SPON1: variants seen among roughly 807,000 people sequenced by gnomAD.
SPON1 encodes spondin 1.
In SPON1, 52 loss-of-function variants were observed where a neutral mutation model predicts 111.7. That is an observed-to-expected ratio of 0.47 (90% CI 0.37 to 0.59). The LOEUF (loss-of-function observed/expected upper bound fraction) is 0.59. SPON1 is among the 20% of genes least tolerant of loss of function. The pLI is 0.00. For missense variants in SPON1, 957 were observed against 1,068.5 expected, an observed-to-expected ratio of 0.90 and a Z score of 1.46; for synonymous variants, 410 against 395.8, an observed-to-expected ratio of 1.04 and a Z score of -0.43.
chr11:14,103,777 T>A (rs1554924629), intron 5 of SPON1, among the ~76,000 whole-genome samples: 2 of 152,196 alleles, frequency 1.3e-5, no homozygotes, highest in Admixed American at 6.5e-5. Context: ...GTTCAATCTA[T>A]TAAATTGTTG....
At chr11:14,156,766 G>T (rs948271424) in intron 6 of SPON1, among the ~76,000 whole-genome samples, 1 of 152,028 alleles carries the variant, frequency 6.6e-6, no homozygotes, top group Non-Finnish European at 1.5e-5. Context: ...TTTCCCCATT[G>T]CTTGTTTTTG....
intron 9 of SPON1, 90 bp downstream of exon 9, chr11:14,255,877 C>T: frequency 2.2e-6 from 3 of 1,382,992 alleles, no homozygotes; most frequent in Middle Eastern, 2.4e-4. Flanking sequence ...ATCATAGAGT[C>T]ACTGGCAGAA....
chr11:14,157,330 T>C (rs1358198917), intron 6 of SPON1, among the ~76,000 whole-genome samples: 1 of 152,214 alleles, frequency 6.6e-6, no homozygotes, highest in African/African-American at 2.4e-5. Context: ...TTGCCACTTA[T>C]TTTCATTCAG....
At chr11:14,084,576 C>T (rs1233053168) in intron 5 of SPON1, among the ~76,000 whole-genome samples, 1 of 152,174 alleles carries the variant, frequency 6.6e-6, no homozygotes, top group Non-Finnish European at 1.5e-5. Context: ...GGTTCCAAGT[C>T]TTTGCTGTTG....
chr11:14,146,277 G>A (rs1195676703), intron 6 of SPON1, among the ~76,000 whole-genome samples: 1 of 151,324 alleles, frequency 6.6e-6, no homozygotes, highest in Non-Finnish European at 1.5e-5. Context: ...AGCTTCCCGA[G>A]TAGCTGGGAT....
At chr11:14,115,492 G>A (rs1849260045) in intron 5 of SPON1, among the ~76,000 whole-genome samples, 1 of 152,066 alleles carries the variant, frequency 6.6e-6, no homozygotes, top group Non-Finnish European at 1.5e-5. Flanking sequence ...TTTTATAAAA[G>A]GAATTTTACA....
intron 2 of SPON1, among the ~76,000 whole-genome samples, chr11:14,005,382 A>G (rs1554912987): frequency 6.6e-6 from 1 of 152,144 alleles, no homozygotes; most frequent in Non-Finnish European, 1.5e-5. Context: ...TCTCTAAATG[A>G]TGCACTCTCC....
At chr11:14,039,165 G>T (rs1289434669) in intron 2 of SPON1, among the ~76,000 whole-genome samples, 19 of 152,190 alleles carry the variant, frequency 1.2e-4, no homozygotes, top group African/African-American at 4.6e-4. Context: ...AGATAGAAAA[G>T]ATTAGTGGTT....
At chr11:14,202,788 A>G (rs955522339) in intron 6 of SPON1, among the ~76,000 whole-genome samples, 2 of 152,116 alleles carry the variant, frequency 1.3e-5, no homozygotes, top group African/African-American at 4.8e-5. Context: ...CTCAGAGGGT[A>G]ATCACTTCTT....
intron 6 of SPON1, among the ~76,000 whole-genome samples, chr11:14,183,292 C>A (rs1346108321): frequency 6.6e-6 from 1 of 152,148 alleles, no homozygotes; most frequent in Non-Finnish European, 1.5e-5. Context: ...ATTAGATTGT[C>A]TCAGTGTTCC....
chr11:14,238,352 C>T (rs1262998387), intron 6 of SPON1, among the ~76,000 whole-genome samples: 2 of 152,034 alleles, frequency 1.3e-5, no homozygotes, highest in Non-Finnish European at 2.9e-5. Flanking sequence ...GAGGAAATGG[C>T]TTGTGGTTCA....
intron 5 of SPON1, among the ~76,000 whole-genome samples, chr11:14,117,264 A>G (rs1554926057): frequency 3.3e-5 from 5 of 152,070 alleles, no homozygotes; most frequent in Admixed American, 6.6e-5. Flanking sequence ...CTTGTTCCCA[A>G]TCTCATGGGG....
chr11:14,156,793 T>A (rs1847853347), intron 6 of SPON1, among the ~76,000 whole-genome samples: 2 of 152,136 alleles, frequency 1.3e-5, no homozygotes, highest in African/African-American at 4.8e-5. Flanking sequence ...TTGTCAAAGA[T>A]CAGATAGTTG....
intron 6 of SPON1, among the ~76,000 whole-genome samples, chr11:14,241,756 A>T (rs1848929499): frequency 1.3e-5 from 2 of 152,310 alleles, no homozygotes; most frequent in African/African-American, 4.8e-5. Context: ...TCGGTCATTC[A>T]ACAGATATTT....
intron 6 of SPON1, among the ~76,000 whole-genome samples, chr11:14,195,752 G>A (rs928949074): frequency 3.9e-5 from 6 of 152,138 alleles, no homozygotes; most frequent in Admixed American, 1.3e-4. Flanking sequence ...CTTAACTGGG[G>A]CTCTGTTGGT....
chr11:14,229,136 G>T (rs1472381904), intron 6 of SPON1, among the ~76,000 whole-genome samples: 2 of 152,190 alleles, frequency 1.3e-5, no homozygotes, highest in Admixed American at 6.5e-5. Flanking sequence ...ATGATGGACA[G>T]ATCCTCTCAC....
At chr11:14,118,709 GGT>G (rs1314069871) in intron 5 of SPON1, among the ~76,000 whole-genome samples, 1 of 152,102 alleles carries the variant, frequency 6.6e-6, no homozygotes, top group Admixed American at 6.5e-5. Flanking sequence ...AACTAATCCC[GGT>G]GACAGGCATG....
chr11:14,265,966 C>A lies in SPON1; in HGVS notation c.*279C>A. 1 of 299,658 alleles carries A rather than the reference C, an allele frequency of 3.3e-6. No homozygotes were observed. Among genetic ancestry groups the A allele is most frequent in the Non-Finnish European group, 6.3e-6 (1 of 157,824 alleles). 18.6% of individuals were successfully genotyped at this position (299,658 alleles called of 1,614,324 possible). ...GAAACATGTCCCTCTGGAGCTTCCA[C>A]CTGGCCAGGGAGGACGGAGACTTTG... On this transcript the variant is annotated 3_prime_UTR_variant, in exon 16 of 16. Transcript: ENST00000576479.
intron 2 of SPON1, among the ~76,000 whole-genome samples, chr11:14,003,878 G>C (rs1848338829): frequency 6.6e-6 from 1 of 151,968 alleles, no homozygotes; most frequent in Admixed American, 6.6e-5. Context: ...CTCTAGACTT[G>C]TTCATCCTAT....
Sources: allele counts gnomAD v4.1 joint callset (sites outside exome capture counted in the v4.1 genomes callset), GRCh38; gene constraint gnomAD v4.1.1; transcripts MANE v1.5; gene names NCBI Gene and HGNC (gene_info 2026-07-23, HGNC 2026-07-21).